GALNTL6: variants seen among roughly 807,000 people sequenced by gnomAD.
GALNTL6 encodes the protein polypeptide N-acetylgalactosaminyltransferase-like 6.
GALNTL6 carries 46 observed loss-of-function variants against 73.7 expected under a neutral mutation model. The observed-to-expected ratio is 0.62, with a 90% CI of 0.49 to 0.80. The LOEUF (loss-of-function observed/expected upper bound fraction) is 0.80. Ranked by LOEUF, GALNTL6 falls within the 30% of genes least tolerant of loss-of-function variation. The pLI, the probability that GALNTL6 is intolerant of heterozygous loss-of-function variation, is 0.00. For synonymous variants in GALNTL6, 259 were observed against 263.7 expected, an observed-to-expected ratio of 0.98 and a Z score of 0.17; for missense variants, 604 against 755.0, an observed-to-expected ratio of 0.80 and a Z score of 2.34.
At chr4:172,763,128 A>G (rs549162571) in intron 5 of GALNTL6, among the ~76,000 whole-genome samples, 1 of 152,292 alleles carries the variant, frequency 6.6e-6, no homozygotes, top group South Asian at 2.1e-4. Flanking sequence ...AAGGGAGAAG[A>G]AAACAGTTAT....
At chr4:171,941,863 A>C (rs1445096491) in intron 2 of GALNTL6, among the ~76,000 whole-genome samples, 1 of 152,184 alleles carries the variant, frequency 6.6e-6, no homozygotes, top group African/African-American at 2.4e-5. Flanking sequence ...AAATTCTGTC[A>C]CTTTAACATA....
At chr4:172,945,396 A>C (rs1457049513) in intron 9 of GALNTL6, among the ~76,000 whole-genome samples, 1 of 152,224 alleles carries the variant, frequency 6.6e-6, no homozygotes, top group African/African-American at 2.4e-5. Flanking sequence ...ATATGTCAAC[A>C]TATACCAAAC....
chr4:172,566,552 G>C (rs540413626), intron 5 of GALNTL6, among the ~76,000 whole-genome samples: 66 of 151,892 alleles, frequency 4.3e-4, no homozygotes, highest in African/African-American at 1.6e-3. Flanking sequence ...AATACTGAGG[G>C]AAGTTTATAG....
At chr4:172,055,988 T>C (rs996426832) in intron 2 of GALNTL6, among the ~76,000 whole-genome samples, 2 of 152,172 alleles carry the variant, frequency 1.3e-5, no homozygotes, top group Admixed American at 6.6e-5. Flanking sequence ...TTCAATACTT[T>C]GTCTACTGAT....
In GALNTL6 at chr4:172,561,182, A is replaced by G. The variant is rs944850204; in HGVS notation, c.553+212493A>G. ...GCAGGAGAATGGCGTGAACCCGGGA[A>G]GCGGAGCTTGCAGTGAGCCGAGATT... On this transcript the variant is annotated intron_variant, in intron 5 of 12. Transcript: ENST00000506823. Among the ~76,000 whole-genome samples, 19 of 144,388 alleles carry G rather than the reference A, an allele frequency of 1.3e-4. 1 individual carries two copies. Among genetic ancestry groups the G allele is most frequent in the Non-Finnish European group, 1.2e-4 (8 of 66,596 alleles). The allele number at this position is 144,388 out of a possible 152,430, so 94.7% of individuals were successfully genotyped here. A position where few individuals can be genotyped will look rare whatever the true frequency, so the allele number is the denominator to read the frequency against.
Position 172,882,883 on chromosome 4 carries a change from A to C in GALNTL6, c.1017A>C (p.Gly339=). The C allele has an allele frequency of 6.2e-7, 1 of 1,601,472 alleles. No homozygotes were observed. The highest frequency in any genetic ancestry group is 1.3e-5 in the African/African-American group (1 of 74,666). ...GYDPGLEIWG[G]EQYEISFKVW... is the part of the protein sequence containing the mutation. Reference sequence around the variant, plus strand: ...ATCCAGGTTTAGAAATCTGGGGAGGAGAACAGTATGAAATCTCTTTTAAGG... The same window carrying C: ...ATCCAGGTTTAGAAATCTGGGGAGGCGAACAGTATGAAATCTCTTTTAAGG... Residue 339 remains glycine, a synonymous_variant, in exon 8 of 13, where the codon GGA becomes GGC. Transcript: ENST00000506823.
chr4:172,604,180 T>C (rs1738174794), intron 5 of GALNTL6, among the ~76,000 whole-genome samples: 1 of 152,070 alleles, frequency 6.6e-6, no homozygotes, highest in Admixed American at 6.5e-5. Context: ...GAAGAGAAGA[T>C]CGATGGGAGA....
intron 2 of GALNTL6, among the ~76,000 whole-genome samples, chr4:171,955,801 CATAT>C (rs1283288263): frequency 2.6e-5 from 4 of 151,856 alleles, no homozygotes. Context: ...CAGCATGTTA[CATAT>C]ATATAACATG....
At chr4:173,015,287 AC>A (rs1752734316) in intron 11 of GALNTL6, among the ~76,000 whole-genome samples, 1 of 152,220 alleles carries the variant, frequency 6.6e-6, no homozygotes. Context: ...CTATAAGGAT[AC>A]CTGAAAATGT....
chr4:172,663,738 G>A (rs1011597796), intron 5 of GALNTL6, among the ~76,000 whole-genome samples: 1 of 152,132 alleles, frequency 6.6e-6, no homozygotes, highest in Admixed American at 6.5e-5. Context: ...GGACCAGCCT[G>A]GCCAACAGGG....
intron 5 of GALNTL6, among the ~76,000 whole-genome samples, chr4:172,560,009 G>A (rs1319975276): frequency 1.3e-5 from 2 of 152,134 alleles, no homozygotes; most frequent in Non-Finnish European, 2.9e-5. Flanking sequence ...AAATCTATGT[G>A]TTCCAATTCG....
chr4:172,288,639 G>T (rs189187490), intron 3 of GALNTL6, among the ~76,000 whole-genome samples: 1 of 152,250 alleles, frequency 6.6e-6, no homozygotes, highest in African/African-American at 2.4e-5. Flanking sequence ...ATGTTTTCAT[G>T]TGTGTTTTCT....
chr4:172,594,276 T>C (rs540953389), intron 5 of GALNTL6, among the ~76,000 whole-genome samples: 8 of 152,066 alleles, frequency 5.3e-5, no homozygotes, highest in Non-Finnish European at 1.0e-4. Flanking sequence ...ACCCAGGAGG[T>C]GGAGGTTGCA....
chr4:172,781,716 T>C (rs936079941), intron 5 of GALNTL6, among the ~76,000 whole-genome samples: 1 of 152,112 alleles, frequency 6.6e-6, no homozygotes, highest in African/African-American at 2.4e-5. Context: ...CCAAAGGTTT[T>C]TTAATCTTTG....
At chr4:173,005,999 T>C (rs1447609230) in intron 10 of GALNTL6, among the ~76,000 whole-genome samples, 1 of 152,176 alleles carries the variant, frequency 6.6e-6, no homozygotes, top group Non-Finnish European at 1.5e-5. Context: ...GGCACTCCAA[T>C]AGGCTTTGGT....
At chr4:172,606,368 C>T (rs1354087191) in intron 5 of GALNTL6, among the ~76,000 whole-genome samples, 6 of 150,220 alleles carry the variant, frequency 4.0e-5, no homozygotes, top group African/African-American at 9.8e-5. Context: ...GCAGGAGAAT[C>T]GCTTGAACCC....
At chr4:172,916,585 C>T (rs112598361) in intron 8 of GALNTL6, among the ~76,000 whole-genome samples, 16,575 of 152,034 alleles carry the variant, frequency 0.11, 1,206 homozygotes, top group Non-Finnish European at 0.16. Flanking sequence ...AAATCACAAG[C>T]ATTCCTATAC....
At chr4:171,927,683 G>A (rs1436272568) in intron 2 of GALNTL6, among the ~76,000 whole-genome samples, 1 of 151,976 alleles carries the variant, frequency 6.6e-6, no homozygotes, top group Non-Finnish European at 1.5e-5. Context: ...TCTTGGTGGG[G>A]AATGTGAAAA....
chr4:171,979,900 C>T lies in GALNTL6; in HGVS notation c.138+165182C>T, dbSNP rs532553293. ...TTGTTAGTTGGAAGAAACTATAGAACATCTAGATAGAGAGGGTCAAAGAGA... is the reference window on the plus strand; with the variant it reads ...TTGTTAGTTGGAAGAAACTATAGAATATCTAGATAGAGAGGGTCAAAGAGA... On this transcript the variant is annotated intron_variant, in intron 2 of 12. Coordinates refer to ENST00000506823, the MANE Select transcript of GALNTL6 (RefSeq NM_001034845.3). 3.3e-5 allele frequency among the ~76,000 whole-genome samples: 5 copies of T among 151,972 alleles called. No individual in the cohort carries two copies. The South Asian group carries it at 6.3e-4, about 19-fold the overall frequency.
Sources: gnomAD v4.1 joint callset for allele counts (sites outside exome capture counted in the v4.1 genomes callset) on GRCh38, gnomAD v4.1.1 for gene constraint, MANE v1.5 for transcripts, NCBI Gene and HGNC (gene_info 2026-07-23, HGNC 2026-07-21) for gene names.